The following APBA1 variants were observed in gnomAD, a reference collection of about 807,000 sequenced individuals.
APBA1 encodes the protein amyloid beta precursor protein binding family A member 1, also known as amyloid-beta A4 precursor protein-binding family A member 1.
APBA1 carries 55 observed loss-of-function variants against 86.6 expected under a neutral mutation model. The observed-to-expected ratio is 0.64, with a 90% CI of 0.51 to 0.80. The LOEUF (loss-of-function observed/expected upper bound fraction) is 0.80. APBA1 is among the 30% of genes least tolerant of loss of function. The pLI, the probability that APBA1 is intolerant of heterozygous loss-of-function variation, is 0.00. For missense variants in APBA1, 1,090 were observed against 1,183.0 expected (o/e 0.92, Z 1.15); for synonymous variants, 511 against 493.9 (o/e 1.03, Z -0.46).
intron 1 of APBA1, among the ~76,000 whole-genome samples, chr9:69,603,161 T>C (rs915431743): frequency 6.6e-6 from 1 of 152,206 alleles, no homozygotes; most frequent in Non-Finnish European, 1.5e-5. Context: ...ACATGCCTTA[T>C]GCCACAAACC....
intron 2 of APBA1, among the ~76,000 whole-genome samples, chr9:69,493,863 C>T (rs1835753104): frequency 1.3e-5 from 2 of 152,062 alleles, no homozygotes; most frequent in African/African-American, 4.8e-5. Context: ...CTGGTTTATC[C>T]AGCTTTACCT....
At chr9:69,457,217 A>C in intron 6 of APBA1, 78 bp from the exon 7 acceptor site, 100 of 1,052,246 alleles carry the variant, frequency 9.5e-5, no homozygotes, top group Middle Eastern at 2.1e-4. Context: ...AGGTTAGCTC[A>C]CACAGAGGCA....
chr9:69,459,552 C>A (rs1835156504), intron 5 of APBA1, among the ~76,000 whole-genome samples: 1 of 152,128 alleles, frequency 6.6e-6, no homozygotes, highest in East Asian at 1.9e-4. Flanking sequence ...ATACTTCTTG[C>A]CTTAAATTTA....
chr9:69,443,148 C>T (rs1834853282), intron 10 of APBA1, among the ~76,000 whole-genome samples: 1 of 152,188 alleles, frequency 6.6e-6, no homozygotes, highest in African/African-American at 2.4e-5. Context: ...GCAGCAGCAG[C>T]CCCTGGCCAC....
At chr9:69,466,259 A>T (rs1247972452) in intron 5 of APBA1, among the ~76,000 whole-genome samples, 1 of 152,176 alleles carries the variant, frequency 6.6e-6, no homozygotes, top group Non-Finnish European at 1.5e-5. Context: ...TTCACACAGC[A>T]TCCTGGGAAC....
chr9:69,650,333 A>G (rs1823473134), intron 1 of APBA1, among the ~76,000 whole-genome samples: 1 of 152,146 alleles, frequency 6.6e-6, no homozygotes, highest in Non-Finnish European at 1.5e-5. Context: ...ATACACAAAC[A>G]TTTGCCATGT....
chr9:69,625,699 G>T (rs1822915343), intron 1 of APBA1, among the ~76,000 whole-genome samples: 1 of 152,094 alleles, frequency 6.6e-6, no homozygotes, highest in African/African-American at 2.4e-5. Context: ...CTTTTCATTT[G>T]TTCTTTGTAA....
intron 5 of APBA1, among the ~76,000 whole-genome samples, chr9:69,459,780 T>C (rs940344121): frequency 3.3e-5 from 5 of 152,216 alleles, no homozygotes; most frequent in Non-Finnish European, 1.5e-5. Flanking sequence ...AAGATAAAAA[T>C]AGTATCTACC....
At chr9:69,593,023 T>C (rs1182077890) in intron 1 of APBA1, among the ~76,000 whole-genome samples, 1 of 152,212 alleles carries the variant, frequency 6.6e-6, no homozygotes, top group Non-Finnish European at 1.5e-5. Context: ...TATTATAAAA[T>C]GCCATATAAG....
At chr9:69,577,228 A>G (rs893472498) in intron 1 of APBA1, among the ~76,000 whole-genome samples, 1 of 152,228 alleles carries the variant, frequency 6.6e-6, no homozygotes, top group African/African-American at 2.4e-5. Context: ...ACTCTTCCCT[A>G]TCTAGCTGTA....
intron 1 of APBA1, among the ~76,000 whole-genome samples, chr9:69,561,919 G>A (rs1480015621): frequency 1.3e-5 from 2 of 152,192 alleles, no homozygotes; most frequent in African/African-American, 4.8e-5. Context: ...GAGCCACTGC[G>A]CCCTGCTGTC....
intron 9 of APBA1, among the ~76,000 whole-genome samples, chr9:69,451,112 C>T (rs1171949855): frequency 6.6e-6 from 1 of 152,210 alleles, no homozygotes; most frequent in Non-Finnish European, 1.5e-5. Context: ...CAATAACCGG[C>T]ATGGGGTACA....
At chr9:69,434,854 TTACATATGTA>T in intron 11 of APBA1, among the ~76,000 whole-genome samples, 1 of 152,156 alleles carries the variant, frequency 6.6e-6, no homozygotes, top group East Asian at 1.9e-4. Context: ...TGCAGGTTTG[TTACATATGTA>T]TACATGTGCC....
chr9:69,561,623 C>A (rs1836946397), intron 1 of APBA1, among the ~76,000 whole-genome samples: 1 of 151,102 alleles, frequency 6.6e-6, no homozygotes, highest in East Asian at 1.9e-4. Flanking sequence ...TACTCCTTAT[C>A]TACAGGATTT....
chr9:69,455,177 C>A (rs1386169439), intron 8 of APBA1, among the ~76,000 whole-genome samples: 1 of 152,116 alleles, frequency 6.6e-6, no homozygotes, highest in Non-Finnish European at 1.5e-5. Context: ...TTGAAGGAAC[C>A]AAGGCTATCA....
At chr9:69,536,432 C>T (rs932865158) in intron 1 of APBA1, among the ~76,000 whole-genome samples, 11 of 152,010 alleles carry the variant, frequency 7.2e-5, no homozygotes, top group African/African-American at 2.6e-4. Flanking sequence ...TTGCCCCATC[C>T]TCTTGTATTA....
intron 1 of APBA1, among the ~76,000 whole-genome samples, chr9:69,582,105 A>G (rs1821923214): frequency 6.6e-6 from 1 of 152,292 alleles, no homozygotes; most frequent in East Asian, 1.9e-4. Flanking sequence ...TATTTACACA[A>G]TTTACAATTA....
intron 1 of APBA1, among the ~76,000 whole-genome samples, chr9:69,559,212 C>T (rs527872974): frequency 6.6e-6 from 1 of 152,292 alleles, no homozygotes; most frequent in South Asian, 2.1e-4. Flanking sequence ...GTCTTTATTA[C>T]AGTCTCCATC....
At chr9:69,447,023 C>T (rs1481423548) in intron 10 of APBA1, among the ~76,000 whole-genome samples, 4 of 152,134 alleles carry the variant, frequency 2.6e-5, no homozygotes, top group African/African-American at 4.8e-5. Context: ...CTGAGCTCAG[C>T]GTACCAGCAC....
Sources: allele counts gnomAD v4.1 joint callset (sites outside exome capture counted in the v4.1 genomes callset), GRCh38; gene constraint gnomAD v4.1.1; transcripts MANE v1.5; gene names NCBI Gene and HGNC (gene_info 2026-07-23, HGNC 2026-07-21).